The following CPB2 variants were observed in gnomAD, a reference collection of about 807,000 sequenced individuals.
CPB2 encodes the protein carboxypeptidase B2, also known as carboxypeptidase B-like protein.
Under a neutral mutation model 57.0 loss-of-function variants are expected in CPB2, and 54 were observed. The ratio of observed to expected loss-of-function variants is 0.95; its 90% CI spans 0.76 to 1.19. The LOEUF (loss-of-function observed/expected upper bound fraction) is 1.19. Ranked by LOEUF, CPB2 falls within the 50% of genes most tolerant of loss-of-function variation. The probability of loss-of-function intolerance (pLI) is 0.00; values close to 1 mark genes in which losing one functional copy is unlikely to be tolerated. For missense variants in CPB2, 426 were observed against 512.0 expected (o/e 0.83, Z 1.62); for synonymous variants, 189 against 178.1 (o/e 1.06, Z -0.49).
chr13:46,099,026 G>A (rs563443819), intron 1 of CPB2: 3 of 152,316 alleles, frequency 2.0e-5, no homozygotes. Flanking sequence ...GGAATACAAA[G>A]TCAGGTATCA....
intron 8 of CPB2, among the ~76,000 whole-genome samples, chr13:46,059,458 T>C (rs2044741189): frequency 6.6e-6 from 1 of 152,216 alleles, no homozygotes; most frequent in African/African-American, 2.4e-5. Context: ...TTTCCTTATC[T>C]GCAAAATTGA....
At chr13:46,071,300 C>T (rs2044939055) in intron 6 of CPB2, among the ~76,000 whole-genome samples, 1 of 152,092 alleles carries the variant, frequency 6.6e-6, no homozygotes, top group South Asian at 2.1e-4. Context: ...AAAAAGCAGT[C>T]ATAGTAGGGG....
intron 1 of CPB2, 85 bp from the exon 2 acceptor site, chr13:46,087,905 T>C (rs576141511): frequency 2.1e-4 from 185 of 878,646 alleles, no homozygotes; most frequent in Non-Finnish European, 3.1e-4. Context: ...TTTTAGGTAA[T>C]TGCAAAAGGG....
rs752677167 is a variant in CPB2, at chr13:46,073,963, T to C, written c.501A>G (p.Glu167=). Reference sequence around the variant, plus strand: ...TCCATATGGCATTTTTGGCTGCTTGTTCTTTTCCAGAAACCTGCTCAAAGA... The same window carrying C: ...TCCATATGGCATTTTTGGCTGCTTGCTCTTTTCCAGAAACCTGCTCAAAGA... The part of the protein sequence containing the change: ...PLYVLKVSGK[E]QAAKNAIWID... The change falls in exon 6 of 11, where the codon GAA becomes GAG. Residue 167 remains glutamate (E), a synonymous_variant. Coordinates refer to ENST00000181383, the MANE Select transcript of CPB2 (RefSeq NM_001872.5). 2 of 1,581,928 alleles carry C rather than the reference T, an allele frequency of 1.3e-6. No homozygotes were observed. The highest frequency in any genetic ancestry group is 1.7e-6 in the Non-Finnish European group (2 of 1,154,872).
At chr13:46,102,058 A>G (rs1375636684) in intron 1 of CPB2, among the ~76,000 whole-genome samples, 4 of 152,240 alleles carry the variant, frequency 2.6e-5, no homozygotes, top group African/African-American at 9.6e-5. Flanking sequence ...GATGAAAACA[A>G]TACATCAGTA....
intron 4 of CPB2, 53 bp downstream of exon 4, chr13:46,082,388 G>A (rs1374651908): frequency 3.0e-6 from 3 of 1,016,718 alleles, no homozygotes; most frequent in Non-Finnish European, 3.0e-6. Flanking sequence ...GATTGAAATG[G>A]CAATACTGGT....
intron 5 of CPB2, among the ~76,000 whole-genome samples, chr13:46,078,165 G>C (rs2045053160): frequency 6.6e-6 from 1 of 151,930 alleles, no homozygotes; most frequent in South Asian, 2.1e-4. Context: ...ATGTGAGGAG[G>C]GAGGGAGAAA....
intron 1 of CPB2, among the ~76,000 whole-genome samples, chr13:46,092,909 TTTTG>T (rs909989309): frequency 5.9e-5 from 9 of 152,074 alleles, no homozygotes; most frequent in South Asian, 2.1e-4. Context: ...CTTTGTTTGT[TTTTG>T]TTTGTTTGTT....
intron 6 of CPB2, among the ~76,000 whole-genome samples, chr13:46,068,762 G>C (rs17844231): frequency 0.023 from 3,478 of 149,148 alleles, 137 homozygotes; most frequent in African/African-American, 0.081. Flanking sequence ...TCATTGTTCA[G>C]CTCCCACTTA....
intron 2 of CPB2, 59 bp downstream of exon 2, chr13:46,087,686 C>A: frequency 8.6e-7 from 1 of 1,162,708 alleles, no homozygotes; most frequent in South Asian, 1.3e-5. Context: ...GGAGGAAACT[C>A]AACACCCAGT....
At chr13:46,062,121 C>G (rs941351725) in intron 8 of CPB2, among the ~76,000 whole-genome samples, 2 of 150,428 alleles carry the variant, frequency 1.3e-5, no homozygotes, top group African/African-American at 4.9e-5. Flanking sequence ...GCACCATGCC[C>G]AAGAGGGGAC....
At position 46,073,593 on chromosome 13, in the gene CPB2, A is replaced by G. The variant is rs149320206; in HGVS notation, c.591+280T>C. 1.7e-4 allele frequency: 34 copies of G among 199,458 alleles called. 2 individuals are homozygous for G. The highest frequency in any genetic ancestry group is 1.3e-3 in the African/African-American group (28 of 20,808). The allele number at this position is 199,458 out of a possible 1,614,324, so 12.4% of individuals were successfully genotyped here. On this transcript the variant is annotated intron_variant, in intron 6 of 10. Coordinates refer to ENST00000181383, the MANE Select transcript of CPB2 (RefSeq NM_001872.5). ...CTTTCCTCTACTTAGTAAACATATTATAATCAATGTACTATTTCTTAATCA... is the reference window on the plus strand; with the variant it reads ...CTTTCCTCTACTTAGTAAACATATTGTAATCAATGTACTATTTCTTAATCA...
intron 1 of CPB2, among the ~76,000 whole-genome samples, chr13:46,090,303 T>C (rs2045272569): frequency 6.6e-6 from 1 of 152,048 alleles, no homozygotes; most frequent in Non-Finnish European, 1.5e-5. Context: ...AGAACAGATA[T>C]ACTCATGATT....
At chr13:46,079,150 G>T (rs1317494717) in intron 4 of CPB2, among the ~76,000 whole-genome samples, 1 of 152,166 alleles carries the variant, frequency 6.6e-6, no homozygotes, top group Non-Finnish European at 1.5e-5. Context: ...GGTAGGAAAA[G>T]TTAATCTATA....
intron 8 of CPB2, among the ~76,000 whole-genome samples, chr13:46,060,937 C>T (rs2044763458): frequency 6.6e-6 from 1 of 152,108 alleles, no homozygotes; most frequent in Non-Finnish European, 1.5e-5. Context: ...ATTCTTTGAT[C>T]TATAGACATG....
chr13:46,089,488 A>G (rs181307795), intron 1 of CPB2, among the ~76,000 whole-genome samples: 21 of 152,312 alleles, frequency 1.4e-4, no homozygotes, highest in African/African-American at 4.8e-4. Context: ...GAGTTGCATA[A>G]TGGAAGCAGC....
At chr13:46,056,479 T>A (rs11574994) in intron 9 of CPB2, among the ~76,000 whole-genome samples, 3,697 of 152,332 alleles carry the variant, frequency 0.024, 81 homozygotes, top group Non-Finnish European at 0.039. Context: ...TTTCGGAAAT[T>A]GGAACTAGCA....
Position 46,071,712 on chromosome 13 carries a change from A to G in CPB2, c.591+2161T>C, listed in dbSNP as rs532017551. On this transcript the variant is annotated intron_variant, in intron 6 of 10. Coordinates refer to ENST00000181383, the MANE Select transcript of CPB2 (RefSeq NM_001872.5). ...AAGGATCATTGGTAGTATCAGGAGAAGAGAATGCTGATCTACTCCACCAGG... is the reference window on the plus strand; with the variant it reads ...AAGGATCATTGGTAGTATCAGGAGAGGAGAATGCTGATCTACTCCACCAGG... Among the ~76,000 whole-genome samples the G allele has an allele frequency of 3.9e-4, 59 of 152,320 alleles. 4 individuals carry two copies. Among genetic ancestry groups the G allele is most frequent in the Middle Eastern group, 3.4e-3 (1 of 294 alleles).
At chr13:46,060,647 A>G (rs2044759207) in intron 8 of CPB2, among the ~76,000 whole-genome samples, 1 of 152,156 alleles carries the variant, frequency 6.6e-6, no homozygotes, top group Non-Finnish European at 1.5e-5. Context: ...TGTATGTCTC[A>G]ATTCAGACAA....
Sources: gnomAD v4.1 joint callset for allele counts (sites outside exome capture counted in the v4.1 genomes callset) on GRCh38, gnomAD v4.1.1 for gene constraint, MANE v1.5 for transcripts, NCBI Gene and HGNC (gene_info 2026-07-23, HGNC 2026-07-21) for gene names.